The following ANGPT1 variants were observed in gnomAD, a reference collection of about 807,000 sequenced individuals.
The protein encoded by ANGPT1 is angiopoietin 1, also known as angiopoietin-1.
A neutral mutation model predicts 62.2 loss-of-function variants in ANGPT1; 17 were observed. The ratio of observed to expected loss-of-function variants is 0.27; its 90% CI spans 0.19 to 0.41. ANGPT1 has a LOEUF of 0.41. Ranked by LOEUF, ANGPT1 falls within the 10% of genes least tolerant of loss-of-function variation. The pLI is 1.00. For missense variants in ANGPT1, 478 were observed against 594.9 expected (o/e 0.80, Z 2.04); for synonymous variants, 199 against 198.9 (o/e 1.00, Z 0.00).
At chr8:107,282,433 T>C (rs1467057606) in intron 7 of ANGPT1, among the ~76,000 whole-genome samples, 1 of 22,184 alleles carries the variant, frequency 4.5e-5, no homozygotes, top group Non-Finnish European at 8.1e-5. Flanking sequence ...TATATATATG[T>C]GTGTATGTGT....
At chr8:107,478,423 C>T (rs1812592099) in intron 1 of ANGPT1, among the ~76,000 whole-genome samples, 2 of 152,004 alleles carry the variant, frequency 1.3e-5, no homozygotes, top group Admixed American at 1.3e-4. Context: ...TGGTGCACGC[C>T]TGTAGTCCCA....
At chr8:107,368,144 T>C (rs1816313969) in intron 1 of ANGPT1, among the ~76,000 whole-genome samples, 3 of 152,204 alleles carry the variant, frequency 2.0e-5, no homozygotes, top group Admixed American at 2.0e-4. Flanking sequence ...TAAGTCAAAA[T>C]TACTCCTTCA....
At chr8:107,482,891 T>C (rs1350673581) in intron 1 of ANGPT1, among the ~76,000 whole-genome samples, 1 of 152,168 alleles carries the variant, frequency 6.6e-6, no homozygotes, top group Non-Finnish European at 1.5e-5. Context: ...AAATCACCAC[T>C]TCGCCATTGA....
chr8:107,486,419 C>A (rs1812816514), intron 1 of ANGPT1, among the ~76,000 whole-genome samples: 2 of 152,160 alleles, frequency 1.3e-5, no homozygotes, highest in South Asian at 4.1e-4. Flanking sequence ...ACACTATCTA[C>A]CTCACATTGG....
intron 6 of ANGPT1, among the ~76,000 whole-genome samples, chr8:107,293,239 C>T (rs536465353): frequency 1.0e-4 from 14 of 138,366 alleles, no homozygotes; most frequent in African/African-American, 3.3e-4. Context: ...GATGATGATG[C>T]CTGCTGTTAT....
chr8:107,275,951 T>A (rs1813855471), intron 7 of ANGPT1, among the ~76,000 whole-genome samples: 1 of 152,072 alleles, frequency 6.6e-6, no homozygotes, highest in Admixed American at 6.5e-5. Context: ...CAGGCATTTG[T>A]TTTCATCAGC....
chr8:107,453,832 A>T (rs1476648156), intron 1 of ANGPT1, among the ~76,000 whole-genome samples: 2 of 150,858 alleles, frequency 1.3e-5, no homozygotes, highest in Non-Finnish European at 3.0e-5. Flanking sequence ...CTTGACATGA[A>T]CAGATGCACA....
intron 2 of ANGPT1, 68 bp downstream of exon 2, chr8:107,346,874 A>T: frequency 7.1e-7 from 1 of 1,411,324 alleles, no homozygotes; most frequent in East Asian, 2.3e-5. Flanking sequence ...CTCTGTGTTT[A>T]TGGAGAAAGC....
intron 1 of ANGPT1, among the ~76,000 whole-genome samples, chr8:107,376,754 T>C (rs1816538654): frequency 6.6e-6 from 1 of 152,228 alleles, no homozygotes; most frequent in African/African-American, 2.4e-5. Context: ...CCTTCAAGTC[T>C]GACTTTCGGT....
At chr8:107,418,708 T>G (rs759638033) in intron 1 of ANGPT1, among the ~76,000 whole-genome samples, 4 of 152,126 alleles carry the variant, frequency 2.6e-5, no homozygotes, top group Non-Finnish European at 5.9e-5. Flanking sequence ...AAAAGGGTGA[T>G]AAAAATCTGG....
intron 2 of ANGPT1, among the ~76,000 whole-genome samples, chr8:107,340,399 T>C (rs1815669570): frequency 6.6e-6 from 1 of 152,106 alleles, no homozygotes; most frequent in Admixed American, 6.5e-5. Flanking sequence ...TTTAAAAAAG[T>C]AAACATTTAA....
chr8:107,439,116 T>C (rs1665871217), intron 1 of ANGPT1, among the ~76,000 whole-genome samples: 1 of 152,180 alleles, frequency 6.6e-6, no homozygotes, highest in African/African-American at 2.4e-5. Context: ...TAGATACATA[T>C]TAGTCACTCA....
intron 5 of ANGPT1, among the ~76,000 whole-genome samples, chr8:107,299,827 G>A (rs1209456927): frequency 2.3e-5 from 2 of 86,834 alleles, no homozygotes; most frequent in East Asian, 3.2e-4. Context: ...ATCTAGATAT[G>A]TAGTTATATC....
At chr8:107,364,660 T>C (rs1816235686) in intron 1 of ANGPT1, among the ~76,000 whole-genome samples, 2 of 152,228 alleles carry the variant, frequency 1.3e-5, no homozygotes. Context: ...ATTCTTCTAA[T>C]GGATTTTCAA....
intron 1 of ANGPT1, among the ~76,000 whole-genome samples, chr8:107,402,379 G>C (rs773126769): frequency 6.6e-6 from 1 of 152,040 alleles, no homozygotes; most frequent in Non-Finnish European, 1.5e-5. Context: ...CCTTAAATAC[G>C]ACAAAATATT....
intron 7 of ANGPT1, among the ~76,000 whole-genome samples, chr8:107,267,106 T>C (rs184125687): frequency 1.5e-3 from 230 of 152,174 alleles, no homozygotes; most frequent in Admixed American, 2.5e-3. Context: ...TTGAACACTA[T>C]AAGTAAAGCT....
intron 4 of ANGPT1, among the ~76,000 whole-genome samples, chr8:107,319,917 C>A (rs188282695): frequency 1.3e-5 from 2 of 152,024 alleles, no homozygotes; most frequent in Non-Finnish European, 2.9e-5. Context: ...CAGCAGAGAA[C>A]CTATTGGAAA....
chr8:107,387,929 T>C (rs1192529756), intron 1 of ANGPT1, among the ~76,000 whole-genome samples: 3 of 152,112 alleles, frequency 2.0e-5, no homozygotes, highest in Non-Finnish European at 4.4e-5. Context: ...ATTTTCAGTG[T>C]CTTAAAGAAT....
intron 7 of ANGPT1, among the ~76,000 whole-genome samples, chr8:107,282,142 T>C (rs1814022104): frequency 6.6e-6 from 1 of 151,936 alleles, no homozygotes; most frequent in African/African-American, 2.4e-5. Context: ...TCTTATAGTG[T>C]GTTTACTTTA....
Sources: allele counts gnomAD v4.1 joint callset (sites outside exome capture counted in the v4.1 genomes callset), GRCh38; gene constraint gnomAD v4.1.1; transcripts MANE v1.5; gene names NCBI Gene and HGNC (gene_info 2026-07-23, HGNC 2026-07-21).